BCKDHB: variants seen among roughly 807,000 people sequenced by gnomAD.
BCKDHB encodes 2-oxoisovalerate dehydrogenase subunit beta, mitochondrial.
A neutral mutation model predicts 48.5 loss-of-function variants in BCKDHB; 41 were observed. The observed-to-expected ratio is 0.85, with a 90% CI of 0.66 to 1.10. BCKDHB has a LOEUF of 1.10. BCKDHB is among the 50% of genes least tolerant of loss of function. The pLI is 0.00. For synonymous variants in BCKDHB, 201 were observed against 174.8 expected (o/e 1.15, Z -1.18); for missense variants, 496 against 494.2 (o/e 1.00, Z -0.03).
At chr6:80,316,415 G>A (rs897179485) in intron 9 of BCKDHB, among the ~76,000 whole-genome samples, 9 of 150,224 alleles carry the variant, frequency 6.0e-5, no homozygotes, top group African/African-American at 1.5e-4. Flanking sequence ...CTTTTGCATC[G>A]ACTTTATTTC....
chr6:80,158,554 A>C (rs774481358), intron 3 of BCKDHB, among the ~76,000 whole-genome samples: 34 of 152,206 alleles, frequency 2.2e-4, no homozygotes, highest in Non-Finnish European at 3.2e-4. Flanking sequence ...AAGCAGAATT[A>C]GATAGAGGGA....
chr6:80,370,092 T>C, the BCKDHB span, among the ~76,000 whole-genome samples: 4 of 152,144 alleles, frequency 2.6e-5, no homozygotes, highest in Non-Finnish European at 4.4e-5. Context: ...CTGTGGGTCA[T>C]AAAATAGAAG....
chr6:80,410,804 A>G, the BCKDHB span, among the ~76,000 whole-genome samples: 1 of 152,160 alleles, frequency 6.6e-6, no homozygotes, highest in Non-Finnish European at 1.5e-5. Flanking sequence ...AGGTCATTTA[A>G]GTTCTTCTCT....
intron 3 of BCKDHB, among the ~76,000 whole-genome samples, chr6:80,144,368 C>A (rs528205919): frequency 6.6e-6 from 1 of 152,110 alleles, no homozygotes; most frequent in Non-Finnish European, 1.5e-5. Flanking sequence ...AACTTTTTAG[C>A]TTTTATAGTA....
chr6:80,297,927 A>T (rs1227226099), intron 9 of BCKDHB, among the ~76,000 whole-genome samples: 1 of 152,096 alleles, frequency 6.6e-6, no homozygotes, highest in African/African-American at 2.4e-5. Flanking sequence ...TTTGAGAGGG[A>T]TTTATCCACT....
chr6:80,249,198 T>C (rs806781), intron 8 of BCKDHB, among the ~76,000 whole-genome samples: 137,994 of 151,544 alleles, frequency 0.91, 62,905 homozygotes, highest in East Asian at 0.99. Context: ...CCAGTTGTGG[T>C]GACCAAAAAT....
the BCKDHB span, among the ~76,000 whole-genome samples, chr6:80,376,331 A>G: frequency 6.6e-6 from 1 of 152,094 alleles, no homozygotes; most frequent in Non-Finnish European, 1.5e-5. Flanking sequence ...CACACAGCCC[A>G]TACCCCAAAA....
chr6:80,128,779 G>C (rs1770471071), intron 2 of BCKDHB, among the ~76,000 whole-genome samples: 1 of 152,048 alleles, frequency 6.6e-6, no homozygotes. Flanking sequence ...CTAGATCAGT[G>C]GTTCTTTCTC....
At chr6:80,160,407 C>T (rs1195838327) in intron 3 of BCKDHB, among the ~76,000 whole-genome samples, 1 of 152,180 alleles carries the variant, frequency 6.6e-6, no homozygotes, top group Non-Finnish European at 1.5e-5. Flanking sequence ...ATCCGCCCAC[C>T]TCAGCCTCTC....
intron 9 of BCKDHB, among the ~76,000 whole-genome samples, chr6:80,293,625 C>G (rs986007634): frequency 6.6e-6 from 1 of 152,192 alleles, no homozygotes; most frequent in Non-Finnish European, 1.5e-5. Context: ...CCTTATTATT[C>G]AAATTTCTGC....
chr6:80,422,426 C>A, the BCKDHB span, among the ~76,000 whole-genome samples: 1 of 152,148 alleles, frequency 6.6e-6, no homozygotes, highest in East Asian at 1.9e-4. Flanking sequence ...GTTGGTGCAC[C>A]CACACAGAGT....
the BCKDHB span, among the ~76,000 whole-genome samples, chr6:80,376,608 T>C: frequency 6.6e-6 from 1 of 151,434 alleles, no homozygotes; most frequent in Non-Finnish European, 1.5e-5. Context: ...TGCATACTGC[T>C]CTGTCTGAGT....
chr6:80,373,271 C>T, the BCKDHB span, among the ~76,000 whole-genome samples: 1 of 152,124 alleles, frequency 6.6e-6, no homozygotes, highest in East Asian at 1.9e-4. Context: ...ATCTTTTGTA[C>T]TTCTGTGGTT....
chr6:80,341,038 A>G (rs1306617019), intron 9 of BCKDHB, among the ~76,000 whole-genome samples: 2 of 152,196 alleles, frequency 1.3e-5, no homozygotes, highest in South Asian at 2.1e-4. Flanking sequence ...AAGGCTCTTT[A>G]ATATACTTTT....
chr6:80,244,098 T>A (rs943736004), intron 8 of BCKDHB, among the ~76,000 whole-genome samples: 1 of 152,010 alleles, frequency 6.6e-6, no homozygotes, highest in Non-Finnish European at 1.5e-5. Flanking sequence ...AGCCACTGGG[T>A]TTTTAATGTT....
chr6:80,418,387 C>T, the BCKDHB span, among the ~76,000 whole-genome samples: 9 of 152,174 alleles, frequency 5.9e-5, no homozygotes, highest in Non-Finnish European at 1.3e-4. Context: ...TGTCAGGGTT[C>T]TTGTGCTGAT....
chr6:80,412,817 T>C, the BCKDHB span, among the ~76,000 whole-genome samples: 9 of 152,320 alleles, frequency 5.9e-5, no homozygotes, highest in East Asian at 1.5e-3. Context: ...AGGTTTTTAC[T>C]TTCAATTTTT....
At chr6:80,452,319 G>C in the BCKDHB span, among the ~76,000 whole-genome samples, 1 of 152,212 alleles carries the variant, frequency 6.6e-6, no homozygotes, top group Non-Finnish European at 1.5e-5. Flanking sequence ...TTTTCTTACA[G>C]GGAAGGGAAG....
the BCKDHB span, among the ~76,000 whole-genome samples, chr6:80,444,792 T>C: frequency 6.6e-6 from 1 of 152,254 alleles, no homozygotes; most frequent in Non-Finnish European, 1.5e-5. Flanking sequence ...CGTCAAATTT[T>C]GTGTTTTATT....
Sources: allele counts gnomAD v4.1 joint callset (sites outside exome capture counted in the v4.1 genomes callset), GRCh38; gene constraint gnomAD v4.1.1; transcripts MANE v1.5; gene names NCBI Gene and HGNC (gene_info 2026-07-23, HGNC 2026-07-21).